ASAP2: variants seen among roughly 807,000 people sequenced by gnomAD.
The protein encoded by ASAP2 is arf-GAP with SH3 domain, ANK repeat and PH domain-containing protein 2.
A neutral mutation model predicts 131.4 loss-of-function variants in ASAP2; 45 were observed. The ratio of observed to expected loss-of-function variants is 0.34; its 90% CI spans 0.27 to 0.44. The LOEUF is 0.44. ASAP2 is among the 20% of genes least tolerant of loss of function. The pLI is 1.00. For missense variants in ASAP2, 1,011 were observed against 1,297.0 expected (o/e 0.78, Z 3.39); for synonymous variants, 510 against 503.0 (o/e 1.01, Z -0.19).
chr2:9,353,185 A>T (rs191523291), intron 12 of ASAP2, among the ~76,000 whole-genome samples: 35 of 152,108 alleles, frequency 2.3e-4, no homozygotes, highest in African/African-American at 8.0e-4. Context: ...ATCTGTCTTC[A>T]CCCCTCTCAG....
intron 3 of ASAP2, among the ~76,000 whole-genome samples, chr2:9,302,146 C>T (rs1470278890): frequency 1.0e-5 from 1 of 97,938 alleles, no homozygotes; most frequent in African/African-American, 4.0e-5. Context: ...TTTTCCCAAA[C>T]ACAGATGATG....
intron 1 of ASAP2, among the ~76,000 whole-genome samples, chr2:9,230,100 G>A (rs1663053457): frequency 6.6e-6 from 1 of 152,162 alleles, no homozygotes; most frequent in African/African-American, 2.4e-5. Context: ...CAGACACTGG[G>A]GCATTTGCTG....
chr2:9,289,104 G>A (rs1250164215), intron 2 of ASAP2, among the ~76,000 whole-genome samples: 1 of 152,196 alleles, frequency 6.6e-6, no homozygotes, highest in Non-Finnish European at 1.5e-5. Context: ...TAAGTTGTGT[G>A]TTGGCAGGTA....
At chr2:9,347,302 G>T (rs1672033398) in intron 11 of ASAP2, among the ~76,000 whole-genome samples, 4 of 152,214 alleles carry the variant, frequency 2.6e-5, no homozygotes, top group Admixed American at 2.6e-4. Flanking sequence ...GTTGCATGTG[G>T]GGAAGTGAGT....
chr2:9,335,292 G>A lies in ASAP2; in HGVS notation c.849+113G>A, dbSNP rs900842580. The A allele has an allele frequency of 4.6e-5, 39 of 841,832 alleles. 1 individual carries two copies. Among genetic ancestry groups the A allele is most frequent in the Non-Finnish European group, 7.3e-5 (37 of 509,156 alleles). 52.1% of individuals were successfully genotyped at this position (841,832 alleles called of 1,614,324 possible). On this transcript the variant is annotated intron_variant, in intron 9 of 27. Transcript: ENST00000281419. ...GGAGCTCACAGTTCACTCGGGCTGT[G>A]TCAGGCACCAGTAAAACATTTAATG...
chr2:9,261,077 C>T (rs573767213), intron 1 of ASAP2, among the ~76,000 whole-genome samples: 2 of 152,278 alleles, frequency 1.3e-5, no homozygotes, highest in Middle Eastern at 3.4e-3. Context: ...GGAGGAGAGC[C>T]ACTGGCAGCT....
At chr2:9,266,518 G>A (rs1032657189) in intron 1 of ASAP2, among the ~76,000 whole-genome samples, 4 of 152,038 alleles carry the variant, frequency 2.6e-5, no homozygotes, top group Non-Finnish European at 5.9e-5. Context: ...GGTGGTGGGC[G>A]TCTGCATGTA....
chr2:9,292,163 C>G lies in ASAP2; in HGVS notation c.200-5137C>G, dbSNP rs111266397. On this transcript the variant is annotated intron_variant, in intron 2 of 27. Coordinates refer to ENST00000281419, the MANE Select transcript of ASAP2 (RefSeq NM_003887.3). Reference sequence around the variant, plus strand: ...AGGACTCAGCAGTGAGTATAGCAGCCCTGAGGAGGTGGGGACAATGAGACC... The same window carrying G: ...AGGACTCAGCAGTGAGTATAGCAGCGCTGAGGAGGTGGGGACAATGAGACC... Among the ~76,000 whole-genome samples, 450 of 152,006 alleles carry G rather than the reference C, an allele frequency of 3.0e-3. 6 individuals carry two copies. Among genetic ancestry groups the G allele is most frequent in the African/African-American group, 0.01 (424 of 41,432 alleles).
At position 9,350,875 on chromosome 2, in the gene ASAP2, A is replaced by G. The variant is rs1487688499; in HGVS notation, c.1091A>G (p.Lys364Arg). The change falls in exon 12 of 28, where the codon AAG becomes AGG. Residue 364 changes from lysine to arginine, a missense_variant. By Grantham distance (26) the Lys-to-Arg change is conservative. Around this residue, in one of 2 missense-constraint regions of ASAP2, gnomAD observed 359 missense variants for 598.1 expected, o/e 0.60. Coordinates refer to ENST00000281419, the MANE Select transcript of ASAP2 (RefSeq NM_003887.3). ...GTGAAGACCAACCCTGAGGAGAAGAAGTGCTTTGACCTCATTTCACGTAAG... is the reference window on the plus strand; with the variant it reads ...GTGAAGACCAACCCTGAGGAGAAGAGGTGCTTTGACCTCATTTCACGTAAG... ...CQVKTNPEEK[K>R]CFDLISHDRT... 3.1e-6 allele frequency: 5 copies of G among 1,613,012 alleles called. No individual in the cohort carries two copies. Among genetic ancestry groups the G allele is most frequent in the Non-Finnish European group, 2.5e-6 (3 of 1,179,356 alleles).
chr2:9,318,550 C>A lies in ASAP2; in HGVS notation c.372C>A (p.Ser124=). The change falls in exon 4 of 28, where the codon TCC becomes TCA. Residue 124 remains serine (S), a synonymous_variant. Coordinates refer to ENST00000281419, the MANE Select transcript of ASAP2 (RefSeq NM_003887.3). ...TTCAGAATATGAACAACATAATCTC[C>A]TTCCCTTTGGACAGTTTGCTGAAGG... The part of the protein sequence containing the change: ...NLIQNMNNII[S]FPLDSLLKGD... The A allele has an allele frequency of 6.2e-7, 1 of 1,613,558 alleles. No individual in the cohort carries two copies. Among genetic ancestry groups the A allele is most frequent in the Non-Finnish European group, 8.5e-7 (1 of 1,179,658 alleles).
At chr2:9,254,234 A>AAAAAAT (rs1664945045) in intron 1 of ASAP2, among the ~76,000 whole-genome samples, 1 of 59,232 alleles carries the variant, frequency 1.7e-5, no homozygotes, top group Non-Finnish European at 3.2e-5. Flanking sequence ...AAAAAAAAAA[A>AAAAAAT]AAATATATAT....
intron 1 of ASAP2, among the ~76,000 whole-genome samples, chr2:9,219,485 T>A (rs750744169): frequency 6.6e-6 from 1 of 152,232 alleles, no homozygotes; most frequent in East Asian, 1.9e-4. Flanking sequence ...CATAGTTCTT[T>A]GTATTCATAT....
intron 1 of ASAP2, among the ~76,000 whole-genome samples, chr2:9,249,478 C>T (rs1343964722): frequency 2.0e-5 from 3 of 152,242 alleles, no homozygotes; most frequent in African/African-American, 7.2e-5. Flanking sequence ...ATTTGAGGGA[C>T]TCTCATGACG....
intron 1 of ASAP2, among the ~76,000 whole-genome samples, chr2:9,236,778 G>A (rs1663582332): frequency 6.6e-6 from 1 of 152,064 alleles, no homozygotes; most frequent in Non-Finnish European, 1.5e-5. Context: ...ATAATTATTT[G>A]TCAGCACAGT....
At chr2:9,262,290 G>A (rs1245175180) in intron 1 of ASAP2, among the ~76,000 whole-genome samples, 5 of 152,078 alleles carry the variant, frequency 3.3e-5, no homozygotes, top group Non-Finnish European at 5.9e-5. Flanking sequence ...AGTATTTGTC[G>A]TAATGACTGA....
chr2:9,230,990 G>A (rs1436214929), intron 1 of ASAP2, among the ~76,000 whole-genome samples: 1 of 152,210 alleles, frequency 6.6e-6, no homozygotes, highest in Admixed American at 6.5e-5. Context: ...CTTCCTGGCA[G>A]CACAAACCCC....
At chr2:9,320,173 C>A in intron 4 of ASAP2, 115 bp from the exon 5 acceptor site, 1 of 834,548 alleles carries the variant, frequency 1.2e-6, no homozygotes, top group Non-Finnish European at 2.0e-6. Flanking sequence ...GGATTACATA[C>A]GTCATTTATT....
chr2:9,267,578 C>T (rs1320684818), intron 1 of ASAP2, among the ~76,000 whole-genome samples: 2 of 152,028 alleles, frequency 1.3e-5, no homozygotes, highest in Non-Finnish European at 2.9e-5. Flanking sequence ...CATGTCTTTG[C>T]TATTGATACA....
At chr2:9,350,571 G>A (rs1672262174) in intron 11 of ASAP2, 2 of 411,410 alleles carry the variant, frequency 4.9e-6, no homozygotes, top group Non-Finnish European at 8.8e-6. Flanking sequence ...TGTCCAGGTG[G>A]GTTTGTGTAG....
Sources: allele counts gnomAD v4.1 joint callset (sites outside exome capture counted in the v4.1 genomes callset), GRCh38; gene constraint gnomAD v4.1.1; regional missense constraint gnomAD v4.1.1; transcripts MANE v1.5; gene names NCBI Gene and HGNC (gene_info 2026-07-23, HGNC 2026-07-21).